STEAP2: variants seen among roughly 807,000 people sequenced by gnomAD.
The protein encoded by STEAP2 is STEAP2 metalloreductase.
A neutral mutation model predicts 46.4 loss-of-function variants in STEAP2; 30 were observed. The ratio of observed to expected loss-of-function variants is 0.65; its 90% confidence interval spans 0.48 to 0.88. STEAP2 has a LOEUF of 0.88. Among genes scored for constraint, STEAP2 ranks in the 40% least tolerant of loss-of-function variants. The pLI is 0.00. For missense variants in STEAP2, 513 were observed against 579.3 expected, an observed-to-expected ratio of 0.89 and a Z score of 1.18; for synonymous variants, 180 against 200.5, an observed-to-expected ratio of 0.90 and a Z score of 0.86.
chr7:90,219,700 G>A (rs1225394437), intron 2 of STEAP2, among the ~76,000 whole-genome samples: 1 of 151,920 alleles, frequency 6.6e-6, no homozygotes, highest in African/African-American at 2.4e-5. Flanking sequence ...TGTTAGATTT[G>A]GTTTGCTTCT....
chr7:90,221,439 G>A (rs946755220), intron 2 of STEAP2, among the ~76,000 whole-genome samples: 1 of 151,966 alleles, frequency 6.6e-6, no homozygotes, highest in Non-Finnish European at 1.5e-5. Flanking sequence ...TAAGTATAGT[G>A]ACTTTTGGTT....
chr7:90,226,057 G>GA (rs1795475643), intron 3 of STEAP2, among the ~76,000 whole-genome samples: 1 of 152,008 alleles, frequency 6.6e-6, no homozygotes, highest in Non-Finnish European at 1.5e-5. Flanking sequence ...TTATTTTAAT[G>GA]ACTGGTAAAA....
At chr7:90,225,597 C>G (rs776604951) in intron 3 of STEAP2, 23 bp downstream of exon 3, 2 of 1,537,504 alleles carry the variant, frequency 1.3e-6, no homozygotes, top group Non-Finnish European at 1.7e-6. Context: ...CATTTTTATT[C>G]TTATGTATCT....
chr7:90,233,446 A>G lies in STEAP2; in HGVS notation c.*822A>G. The stretch of plus-strand genomic sequence containing the variant: ...GTTCCTACTTAGAACAAAAGTATCA[A>G]GTTTGCACACAAGTAATCTGCCAGC... On this transcript the variant is annotated 3_prime_UTR_variant, in exon 6 of 6. Transcript: ENST00000394621. 4.1e-6 allele frequency: 4 copies of G among 985,410 alleles called. No homozygotes were observed. The highest frequency in any genetic ancestry group is 4.8e-6 in the Non-Finnish European group (4 of 829,930). The allele number at this position is 985,410 out of a possible 1,614,324, so 61.0% of individuals were successfully genotyped here.
intron 2 of STEAP2, among the ~76,000 whole-genome samples, chr7:90,224,480 G>A (rs1473279760): frequency 1.3e-5 from 2 of 152,200 alleles, no homozygotes; most frequent in Admixed American, 6.5e-5. Context: ...CTACGGGGTA[G>A]GCCTGCTCTG....
At chr7:90,229,746 A>T in intron 4 of STEAP2, 126 bp from the exon 5 acceptor site, 1 of 1,414,010 alleles carries the variant, frequency 7.1e-7, no homozygotes, top group Non-Finnish European at 9.3e-7. Context: ...GGTTTGTTAG[A>T]CTAAATTAGT....
chr7:90,240,166 G>A (rs771435509), downstream of STEAP2, among the ~76,000 whole-genome samples: 33 of 152,022 alleles, frequency 2.2e-4, no homozygotes, highest in Non-Finnish European at 2.9e-4. The surrounding 1 kb of genome is among the most constrained non-coding windows in gnomAD (Gnocchi z 4.1). Context: ...CCAGCTGCTC[G>A]TGAGGCTAAG....
chr7:90,241,253 A>C (rs1446874430), downstream of STEAP2, among the ~76,000 whole-genome samples: 2 of 152,130 alleles, frequency 1.3e-5, no homozygotes, highest in South Asian at 2.1e-4. Flanking sequence ...GAGAGATCAG[A>C]ATCTCAGAAT....
rs554872789 is a variant in STEAP2 at position 90,229,163 on chromosome 7, A to G, written c.1021-709A>G. 2.6e-5 allele frequency among the ~76,000 whole-genome samples: 4 copies of G among 152,326 alleles called. No individual in the cohort carries two copies. The East Asian group carries it at 7.7e-4, about 29-fold the overall frequency. On this transcript the variant is annotated intron_variant, in intron 4 of 5. Transcript: ENST00000394621. The stretch of plus-strand genomic sequence containing the variant: ...AAAGGTAGTCCCTACACAAAATACC[A>G]CAAATTCAGAGTTCACCGTCTGACT...
rs1345977632 is a variant in STEAP2, at chr7:90,227,447, A to G, written c.969A>G (p.Leu323=). 1 of 1,602,998 alleles carries G rather than the reference A, an allele frequency of 6.2e-7. No individual in the cohort carries two copies. The highest frequency in any genetic ancestry group is 8.5e-7 in the Non-Finnish European group (1 of 1,170,916). Residue 323 remains leucine (L), a synonymous_variant, in exon 4 of 6, where the codon TTA becomes TTG. Transcript: ENST00000394621. ...AMVHVAYSLC[L]PMRRSERYLF... Reference sequence around the variant, plus strand: ...TCCATGTTGCCTACAGCCTCTGCTTACCGATGAGAAGGTCAGAGAGATATT... The same window carrying G: ...TCCATGTTGCCTACAGCCTCTGCTTGCCGATGAGAAGGTCAGAGAGATATT...
At chr7:90,230,599 G>A (rs186943095) in intron 5 of STEAP2, among the ~76,000 whole-genome samples, 4 of 152,026 alleles carry the variant, frequency 2.6e-5, no homozygotes, top group Non-Finnish European at 4.4e-5. Context: ...ATACTAATAC[G>A]TATGGATGTC....
At position 90,225,375 on chromosome 7, in the gene STEAP2, A is replaced by T. The variant is rs1391750274; in HGVS notation, c.293A>T (p.Tyr98Phe). The T allele has an allele frequency of 1.2e-6, 2 of 1,613,924 alleles. No homozygotes were observed. The highest frequency in any genetic ancestry group is 2.2e-5 in the South Asian group (2 of 91,062). The change falls in exon 3 of 6, where the codon TAT becomes TTT. Residue 98 changes from tyrosine (Y) to phenylalanine (F), a missense_variant. Transcript: ENST00000394621. The stretch of plus-strand genomic sequence containing the variant: ...TTTGTTGCTATACACAGAGAACATT[A>T]TACCTCCCTGTGGGACCTGAGACAT... ...IIFVAIHREH[Y>F]TSLWDLRHLL... is the part of the protein sequence containing the mutation.
At position 90,234,850 on chromosome 7, in the gene STEAP2, C is replaced by A; in HGVS notation, c.*2226C>A. 1 of 984,936 alleles carries A rather than the reference C, an allele frequency of 1.0e-6. No individual in the cohort carries two copies. The allele number at this position is 984,936 out of a possible 1,614,324, so 61.0% of individuals were successfully genotyped here. ...TACAGGTGTGAGCTACCGCGCCCGGCCTATTATCTTGTACTTTCTAACTGA... is the reference window on the plus strand; with the variant it reads ...TACAGGTGTGAGCTACCGCGCCCGGACTATTATCTTGTACTTTCTAACTGA... On this transcript the variant is annotated 3_prime_UTR_variant, in exon 6 of 6. Coordinates refer to ENST00000394621, the MANE Select transcript of STEAP2 (RefSeq NM_001244944.2).
chr7:90,216,922 T>C (rs1795046034), intron 2 of STEAP2, among the ~76,000 whole-genome samples: 1 of 152,218 alleles, frequency 6.6e-6, no homozygotes, highest in Non-Finnish European at 1.5e-5. Flanking sequence ...GGTTGAGAAA[T>C]ACTGCTTTAG....
chr7:90,234,731 T>G lies in STEAP2; in HGVS notation c.*2107T>G. On this transcript the variant is annotated 3_prime_UTR_variant, in exon 6 of 6. Coordinates refer to ENST00000394621, the MANE Select transcript of STEAP2 (RefSeq NM_001244944.2). ...ATGCCCGGCTGATTTCTTTTTGTATTTTTAGTAGAGACGGAGTTTCACCGT... is the reference window on the plus strand; with the variant it reads ...ATGCCCGGCTGATTTCTTTTTGTATGTTTAGTAGAGACGGAGTTTCACCGT... 1 of 496,492 alleles carries G rather than the reference T, an allele frequency of 2.0e-6. No individual in the cohort carries two copies. Among genetic ancestry groups the G allele is most frequent in the South Asian group, 8.7e-5 (1 of 11,448 alleles). The allele number at this position is 496,492 out of a possible 1,614,324, so 30.8% of individuals were successfully genotyped here. A position where few individuals can be genotyped will look rare whatever the true frequency, so the allele number is the denominator to read the frequency against.
At position 90,234,426 on chromosome 7, in the gene STEAP2, T is replaced by C. The variant is rs1795881164; in HGVS notation, c.*1802T>C. ...CCAACTGCCAACAATAAAAAGACTT[T>C]TATTTAGTAGAGGCTACCTTTCCCA... is the stretch of plus-strand genomic sequence containing the variant. On this transcript the variant is annotated 3_prime_UTR_variant, in exon 6 of 6. Transcript: ENST00000394621. The C allele has an allele frequency of 1.0e-6, 1 of 985,320 alleles. No individual in the cohort carries two copies. Among genetic ancestry groups the C allele is most frequent in the East Asian group, 1.1e-4 (1 of 8,816 alleles). The allele number at this position is 985,320 out of a possible 1,614,324, so 61.0% of individuals were successfully genotyped here. A position where few individuals can be genotyped will look rare whatever the true frequency, so the allele number is the denominator to read the frequency against.
intron 1 of STEAP2, among the ~76,000 whole-genome samples, chr7:90,214,988 A>T (rs775986304): frequency 2.0e-5 from 3 of 152,188 alleles, no homozygotes; most frequent in Non-Finnish European, 4.4e-5. Flanking sequence ...GAGGATGACC[A>T]TGTATATACT....
rs562526734 is a variant in STEAP2, at chr7:90,227,732, A to G, written c.1020+234A>G. Among the ~76,000 whole-genome samples the G allele has an allele frequency of 2.6e-5, 4 of 152,314 alleles. No individual in the cohort carries two copies. The South Asian group carries it at 8.3e-4, about 32-fold the overall frequency. On this transcript the variant is annotated intron_variant, in intron 4 of 5. Transcript: ENST00000394621. ...TTCCATACAGAATAAAAGCAGAAAA[A>G]TAGAGGGTTGGGTTCTCCCCCTTTT...
At chr7:90,223,012 A>G (rs931602493) in intron 2 of STEAP2, among the ~76,000 whole-genome samples, 4 of 152,164 alleles carry the variant, frequency 2.6e-5, no homozygotes, top group Non-Finnish European at 4.4e-5. Context: ...CCTGATTTGT[A>G]TTCTTGAGCA....
Sources: gnomAD v4.1 joint callset for allele counts (sites outside exome capture counted in the v4.1 genomes callset) on GRCh38, gnomAD v4.1.1 for gene constraint, Gnocchi (gnomAD v3.1) non-coding constraint, MANE v1.5 for transcripts, NCBI Gene and HGNC (gene_info 2026-07-23, HGNC 2026-07-21) for gene names.